Variants in IFT80 observed in about 807,000 individuals in gnomAD.
IFT80 encodes the protein intraflagellar transport protein 80 homolog.
A neutral mutation model predicts 107.9 loss-of-function variants in IFT80; 79 were observed. The ratio of observed to expected loss-of-function variants is 0.73; its 90% CI spans 0.61 to 0.88. The LOEUF (loss-of-function observed/expected upper bound fraction) is 0.88, where lower values mean the gene tolerates loss of function less well. IFT80 is among the 40% of genes least tolerant of loss of function. The probability of loss-of-function intolerance (pLI) is 0.00; values close to 1 mark genes in which losing one functional copy is unlikely to be tolerated. For missense variants in IFT80, 797 were observed against 914.2 expected, an observed-to-expected ratio of 0.87 and a Z score of 1.65; for synonymous variants, 299 against 300.9, an observed-to-expected ratio of 0.99 and a Z score of 0.07.
chr3:160,365,238 T>C (rs1721786505), intron 6 of IFT80, among the ~76,000 whole-genome samples: 1 of 152,108 alleles, frequency 6.6e-6, no homozygotes, highest in Non-Finnish European at 1.5e-5. Context: ...TGTTCTATTC[T>C]TGCATGTCCC....
At chr3:160,276,328 T>A (rs1360987884) in intron 18 of IFT80, among the ~76,000 whole-genome samples, 1 of 152,178 alleles carries the variant, frequency 6.6e-6, no homozygotes, top group Non-Finnish European at 1.5e-5. Flanking sequence ...AGTATGTCAA[T>A]CATAAAATTA....
At chr3:160,278,767 A>G (rs1714467714) in intron 16 of IFT80, among the ~76,000 whole-genome samples, 1 of 152,238 alleles carries the variant, frequency 6.6e-6, no homozygotes, top group East Asian at 1.9e-4. Flanking sequence ...ATGGTCAAAC[A>G]TGTTTGAAAA....
intron 12 of IFT80, among the ~76,000 whole-genome samples, chr3:160,286,412 T>C (rs765099920): frequency 4.6e-5 from 7 of 152,170 alleles, no homozygotes; most frequent in African/African-American, 1.7e-4. Flanking sequence ...GTGGATGGTT[T>C]TTAGAACGGG....
chr3:160,345,784 T>C (rs946703135), intron 8 of IFT80, among the ~76,000 whole-genome samples: 19 of 151,098 alleles, frequency 1.3e-4, no homozygotes, highest in African/African-American at 4.6e-4. Flanking sequence ...GAATAGTTAA[T>C]AGGTATTTAA....
At chr3:160,301,790 A>C (rs1217043521) in intron 11 of IFT80, among the ~76,000 whole-genome samples, 1 of 151,968 alleles carries the variant, frequency 6.6e-6, no homozygotes, top group Non-Finnish European at 1.5e-5. Flanking sequence ...TAATTCAAGC[A>C]ATACAGAGAA....
In IFT80 at chr3:160,357,720, C is replaced by T. The variant is rs1292296381; in HGVS notation, c.550-142G>A. The stretch of plus-strand genomic sequence containing the variant: ...CTATCTTCCTTTTATAGCCAATGTA[C>T]AATACCTCATTTGCTTGTTTCATTT... On this transcript the variant is annotated intron_variant, in intron 6 of 19. Coordinates refer to ENST00000326448, the MANE Select transcript of IFT80 (RefSeq NM_020800.3). 3 of 613,148 alleles carry T rather than the reference C, an allele frequency of 4.9e-6. No individual in the cohort carries two copies. In the South Asian group the frequency reaches 6.1e-5, roughly 12 times the overall value. 38.0% of individuals were successfully genotyped at this position (613,148 alleles called of 1,614,324 possible).
In IFT80 at chr3:160,277,473, A is replaced by T. The variant is rs769522922; in HGVS notation, c.1932T>A (p.Asp644Glu). Residue 644 changes from aspartate (D) to glutamate (E), a missense_variant, in exon 18 of 20, where the codon GAT (aspartate) becomes GAA (glutamate). Physicochemically the swap from Asp to Glu is conservative, Grantham distance 45. Coordinates refer to ENST00000326448, the MANE Select transcript of IFT80 (RefSeq NM_020800.3). ...EIAYAAIGEI[D>E]KVQYINSIKN... ...TTATAGAATTGATGTACTGAACCTT[A>T]TCAATCTAAAAAAGAAAAGAAAAAT... The T allele has an allele frequency of 6.2e-7, 1 of 1,604,228 alleles. No individual in the cohort carries two copies. The highest frequency in any genetic ancestry group is 8.5e-7 in the Non-Finnish European group (1 of 1,171,688).
chr3:160,388,461 T>C (rs1713109005), intron 1 of IFT80, among the ~76,000 whole-genome samples: 1 of 151,326 alleles, frequency 6.6e-6, no homozygotes, highest in African/African-American at 2.4e-5. Context: ...AAGCAGAATC[T>C]AGCAATATAT....
At chr3:160,333,821 G>A (rs1052933530) in intron 8 of IFT80, among the ~76,000 whole-genome samples, 8 of 152,164 alleles carry the variant, frequency 5.3e-5, no homozygotes, top group Non-Finnish European at 1.0e-4. Flanking sequence ...AAAAAGAATA[G>A]TATAAGAAAT....
chr3:160,345,724 G>A (rs891060340), intron 8 of IFT80, among the ~76,000 whole-genome samples: 3 of 150,634 alleles, frequency 2.0e-5, no homozygotes, highest in African/African-American at 7.3e-5. Flanking sequence ...AGAGAAGGAT[G>A]GTTATCAGAG....
At chr3:160,390,516 T>C (rs1034071509) in intron 1 of IFT80, among the ~76,000 whole-genome samples, 3 of 151,706 alleles carry the variant, frequency 2.0e-5, no homozygotes, top group African/African-American at 7.3e-5. Context: ...AGAATAAAAG[T>C]GGAGGACTGA....
intron 12 of IFT80, among the ~76,000 whole-genome samples, chr3:160,296,122 T>C (rs1333325497): frequency 6.6e-6 from 1 of 152,168 alleles, no homozygotes; most frequent in Non-Finnish European, 1.5e-5. Context: ...ACTATTGAAC[T>C]GTACCCTGAA....
chr3:160,280,636 C>T, intron 15 of IFT80, 31 bp downstream of exon 15: 1 of 1,585,738 alleles, frequency 6.3e-7, no homozygotes, highest in Non-Finnish European at 8.7e-7. Flanking sequence ...TTATTTACTA[C>T]AAAACAGAAT....
chr3:160,332,348 CAA>C (rs1242240837), intron 8 of IFT80, among the ~76,000 whole-genome samples: 1 of 152,076 alleles, frequency 6.6e-6, no homozygotes, highest in East Asian at 1.9e-4. Flanking sequence ...AGGTGGGGAG[CAA>C]AAGAGAGAGG....
chr3:160,281,471 C>T (rs1244855464), intron 14 of IFT80, among the ~76,000 whole-genome samples: 1 of 152,162 alleles, frequency 6.6e-6, no homozygotes, highest in African/African-American at 2.4e-5. Flanking sequence ...GAGGCCCCTG[C>T]CACCAGCACC....
At chr3:160,268,717 A>G in intron 18 of IFT80, 181 bp from the exon 19 acceptor site, 1 of 587,694 alleles carries the variant, frequency 1.7e-6, no homozygotes, top group Non-Finnish European at 3.0e-6. Flanking sequence ...GGCCCAGATC[A>G]AACATGGCCT....
chr3:160,299,056 A>G, intron 12 of IFT80: 1 of 910,024 alleles, frequency 1.1e-6, no homozygotes, highest in South Asian at 4.9e-5. Context: ...TTGAATAAGG[A>G]AAGCATAGAC....
intron 19 of IFT80, among the ~76,000 whole-genome samples, chr3:160,265,507 A>G (rs1713246701): frequency 6.6e-6 from 1 of 152,172 alleles, no homozygotes; most frequent in Non-Finnish European, 1.5e-5. Flanking sequence ...AATATAATAA[A>G]TGTATTCTTT....
intron 8 of IFT80, among the ~76,000 whole-genome samples, chr3:160,337,468 G>A (rs945207000): frequency 2.6e-5 from 4 of 151,346 alleles, no homozygotes; most frequent in Non-Finnish European, 5.9e-5. Flanking sequence ...CTAAAAATAC[G>A]AAAAAAAATA....
Sources: allele counts gnomAD v4.1 joint callset (sites outside exome capture counted in the v4.1 genomes callset), GRCh38; gene constraint gnomAD v4.1.1; transcripts MANE v1.5; gene names NCBI Gene and HGNC (gene_info 2026-07-23, HGNC 2026-07-21).